The following CLSTN2 variants were observed in gnomAD, a reference collection of about 807,000 sequenced individuals.
CLSTN2 encodes calsyntenin-2.
Under a neutral mutation model 101.2 loss-of-function variants are expected in CLSTN2, and 48 were observed. That is an observed-to-expected ratio of 0.47 (90% confidence interval 0.38 to 0.60). The LOEUF (loss-of-function observed/expected upper bound fraction) is 0.60. Ranked by LOEUF, CLSTN2 falls within the 20% of genes least tolerant of loss-of-function variation. The probability of loss-of-function intolerance (pLI) is 0.00; values close to 1 mark genes in which losing one functional copy is unlikely to be tolerated. For synonymous variants in CLSTN2, 481 were observed against 463.6 expected (o/e 1.04, Z -0.48); for missense variants, 1,160 against 1,238.2 (o/e 0.94, Z 0.95).
At chr3:140,071,250 C>A (rs934563852) in intron 1 of CLSTN2, among the ~76,000 whole-genome samples, 1 of 151,888 alleles carries the variant, frequency 6.6e-6, no homozygotes, top group African/African-American at 2.4e-5. Context: ...ATTGCAATAC[C>A]TTCCGCATGC....
At chr3:140,244,995 A>G (rs76792219) in intron 2 of CLSTN2, among the ~76,000 whole-genome samples, 4,140 of 152,312 alleles carry the variant, frequency 0.027, 177 homozygotes, top group African/African-American at 0.094. Context: ...TGGGAAGTGG[A>G]GGTGTGCACA....
chr3:140,230,883 T>C lies in CLSTN2; in HGVS notation c.232+54810T>C, dbSNP rs566161161. ...AGCACTCCTTCATTATATTTAGGTTTCCCTGGAGTCTTGGATAACACTGTA... is the reference window on the plus strand; with the variant it reads ...AGCACTCCTTCATTATATTTAGGTTCCCCTGGAGTCTTGGATAACACTGTA... On this transcript the variant is annotated intron_variant, in intron 2 of 16. Transcript: ENST00000458420. Among the ~76,000 whole-genome samples the C allele has an allele frequency of 4.6e-5, 7 of 152,282 alleles. No individual in the cohort carries two copies. The South Asian group carries it at 1.0e-3, about 23-fold the overall frequency.
chr3:140,003,710 C>T (rs990710794), intron 1 of CLSTN2, among the ~76,000 whole-genome samples: 1 of 151,974 alleles, frequency 6.6e-6, no homozygotes, highest in Admixed American at 6.6e-5. Flanking sequence ...TCCTCTATAC[C>T]AAGTTTTTTG....
At position 140,372,159 on chromosome 3, in the gene CLSTN2, C is replaced by T. The variant is rs552453300; in HGVS notation, c.233-31470C>T. ...ACTTGAACACTCATGTCTTTCTCCC[C>T]AGCCACCGTGCTCCTCGTAGTATCC... On this transcript the variant is annotated intron_variant, in intron 2 of 16. Coordinates refer to ENST00000458420, the MANE Select transcript of CLSTN2 (RefSeq NM_022131.3). Among the ~76,000 whole-genome samples the T allele has an allele frequency of 5.3e-5, 8 of 152,264 alleles. No homozygotes were observed. The South Asian group carries it at 8.3e-4, about 16-fold the overall frequency.
rs139842006 is a variant in CLSTN2 at position 140,491,689 on chromosome 3, C to T, written c.1344+24958C>T. 2.6e-3 allele frequency among the ~76,000 whole-genome samples: 397 copies of T among 152,142 alleles called. 1 individual carries two copies. Among genetic ancestry groups the T allele is most frequent in the African/African-American group, 9.1e-3 (376 of 41,516 alleles). On this transcript the variant is annotated intron_variant, in intron 8 of 16. Coordinates refer to ENST00000458420, the MANE Select transcript of CLSTN2 (RefSeq NM_022131.3). ...TCCAAAAAATTAGCCAGACATGGTG[C>T]TACACATCTATAGTCCCAGCTACTC...
intron 2 of CLSTN2, among the ~76,000 whole-genome samples, chr3:140,379,318 C>T (rs1003147762): frequency 2.6e-5 from 4 of 152,118 alleles, no homozygotes; most frequent in South Asian, 2.1e-4. Context: ...GGGATGTACA[C>T]CCAGAGTACC....
At chr3:139,955,112 C>CTA (rs58418059) in intron 1 of CLSTN2, among the ~76,000 whole-genome samples, 5,142 of 71,526 alleles carry the variant, frequency 0.072, 660 homozygotes, top group African/African-American at 0.21. Context: ...GGCAATATTG[C>CTA]TATATATATA....
chr3:140,243,534 A>G (rs1284873216), intron 2 of CLSTN2, among the ~76,000 whole-genome samples: 10 of 152,214 alleles, frequency 6.6e-5, no homozygotes, highest in Non-Finnish European at 1.0e-4. Context: ...CACAACTGCA[A>G]AGAGTGCATG....
At chr3:140,471,960 C>G (rs1933858183) in intron 8 of CLSTN2, among the ~76,000 whole-genome samples, 1 of 152,184 alleles carries the variant, frequency 6.6e-6, no homozygotes, top group African/African-American at 2.4e-5. Flanking sequence ...ATTTAAAAAG[C>G]TACTATGTTG....
intron 2 of CLSTN2, among the ~76,000 whole-genome samples, chr3:140,394,014 G>GA (rs2088151596): frequency 6.6e-6 from 1 of 152,180 alleles, no homozygotes; most frequent in Admixed American, 6.5e-5. Context: ...GGAGGGCTGG[G>GA]AGTCTGTAAA....
intron 8 of CLSTN2, among the ~76,000 whole-genome samples, chr3:140,472,092 C>G (rs577602373): frequency 1.3e-5 from 2 of 152,254 alleles, no homozygotes; most frequent in East Asian, 3.9e-4. Flanking sequence ...ATGCTAAACT[C>G]CCCGTATGAG....
At chr3:140,509,561 A>G (rs1043103291) in intron 8 of CLSTN2, among the ~76,000 whole-genome samples, 3 of 152,294 alleles carry the variant, frequency 2.0e-5, no homozygotes, top group East Asian at 3.9e-4. Context: ...CCCTTTGTTC[A>G]TGGTATATCT....
At chr3:140,023,492 G>T (rs1311337676) in intron 1 of CLSTN2, among the ~76,000 whole-genome samples, 1 of 152,172 alleles carries the variant, frequency 6.6e-6, no homozygotes, top group Non-Finnish European at 1.5e-5. Context: ...GAGCAGATGG[G>T]AACCTCTGAA....
At chr3:140,433,583 C>T (rs1297355242) in intron 5 of CLSTN2, among the ~76,000 whole-genome samples, 4 of 152,122 alleles carry the variant, frequency 2.6e-5, no homozygotes, top group African/African-American at 7.2e-5. Context: ...GTGCAGGCTC[C>T]GAAGCCAGAA....
intron 1 of CLSTN2, among the ~76,000 whole-genome samples, chr3:140,066,939 T>C (rs2008309625): frequency 6.6e-6 from 1 of 152,198 alleles, no homozygotes. Flanking sequence ...TAGTAATTTA[T>C]CATTGGTGTA....
chr3:140,371,326 A>T (rs1461712254), intron 2 of CLSTN2, among the ~76,000 whole-genome samples: 1 of 152,102 alleles, frequency 6.6e-6, no homozygotes. Context: ...ATTGGAAAAA[A>T]ATCTGCAGAA....
intron 1 of CLSTN2, among the ~76,000 whole-genome samples, chr3:140,085,024 C>T (rs878982359): frequency 1.3e-5 from 2 of 152,168 alleles, no homozygotes; most frequent in Non-Finnish European, 2.9e-5. Flanking sequence ...AGTCTTCTAC[C>T]GTTTACTTCT....
intron 11 of CLSTN2, chr3:140,557,011 A>T (rs958362769): frequency 1.6e-5 from 3 of 189,840 alleles, no homozygotes; most frequent in Middle Eastern, 4.1e-3. Context: ...GTACACAGGA[A>T]GTCCTTGACA....
chr3:140,278,782 G>A (rs1421963992), intron 2 of CLSTN2, among the ~76,000 whole-genome samples: 2 of 152,138 alleles, frequency 1.3e-5, no homozygotes, highest in African/African-American at 2.4e-5. Context: ...GTGCAGTGGT[G>A]CACTACAGCT....
Sources: gnomAD v4.1 joint callset for allele counts (sites outside exome capture counted in the v4.1 genomes callset) on GRCh38, gnomAD v4.1.1 for gene constraint, MANE v1.5 for transcripts, NCBI Gene and HGNC (gene_info 2026-07-23, HGNC 2026-07-21) for gene names.